Variants in UPK3A observed in about 807,000 individuals in gnomAD.
The protein encoded by UPK3A is uroplakin-3a.
Under a neutral mutation model 27.6 loss-of-function variants are expected in UPK3A, and 32 were observed. The ratio of observed to expected loss-of-function variants is 1.16; its 90% CI spans 0.87 to 1.55. The LOEUF (loss-of-function observed/expected upper bound fraction) is 1.55, where lower values mean the gene tolerates loss of function less well. Ranked by LOEUF, UPK3A falls within the 40% of genes most tolerant of loss-of-function variation. UPK3A has a pLI of 0.00. For missense variants in UPK3A, 370 were observed against 367.9 expected (o/e 1.01, Z -0.05); for synonymous variants, 171 against 163.9 (o/e 1.04, Z -0.33).
intron 4 of UPK3A, among the ~76,000 whole-genome samples, chr22:45,291,979 A>C (rs1252938920): frequency 6.6e-6 from 1 of 151,750 alleles, no homozygotes; most frequent in Non-Finnish European, 1.5e-5. Context: ...TGAGAATGGC[A>C]GTGTGTGTGG....
Sources: gnomAD v4.1 joint callset for allele counts (sites outside exome capture counted in the v4.1 genomes callset) on GRCh38, gnomAD v4.1.1 for gene constraint, MANE v1.5 for transcripts, NCBI Gene and HGNC (gene_info 2026-07-23, HGNC 2026-07-21) for gene names.